LARP6: variants seen among roughly 807,000 people sequenced by gnomAD.
LARP6 encodes the protein La ribonucleoprotein 6, translational regulator, also known as la-related protein 6.
Under a neutral mutation model 32.8 loss-of-function variants are expected in LARP6, and 18 were observed. The observed-to-expected ratio is 0.55, with a 90% CI of 0.38 to 0.81. The LOEUF (loss-of-function observed/expected upper bound fraction) is 0.81. LARP6 is among the 40% of genes least tolerant of loss of function. The pLI, the probability that LARP6 is intolerant of heterozygous loss-of-function variation, is 0.00. For missense variants in LARP6, 598 were observed against 663.1 expected (o/e 0.90, Z 1.08); for synonymous variants, 289 against 267.2 (o/e 1.08, Z -0.80).
Position 70,832,869 on chromosome 15 carries a change from A to T in LARP6, c.659T>A (p.Leu220His). ...TGAGATGACTCCAAAAGTCCCAAAAAGCTTGAGCAGGTGTTCCATCACCTT... is the reference window on the plus strand; with the variant it reads ...TGAGATGACTCCAAAAGTCCCAAAATGCTTGAGCAGGTGTTCCATCACCTT... ...QEKVMEHLLK[L>H]FGTFGVISSV... The change falls in exon 3 of 3, where the codon CTT becomes CAT. Residue 220 changes from leucine (L) to histidine (H), a missense_variant. Around this residue, in one of 3 missense-constraint regions of LARP6, gnomAD observed 368 missense variants for 397.9 expected, o/e 0.92. Transcript: ENST00000299213. The T allele has an allele frequency of 1.2e-6, 2 of 1,610,556 alleles. No individual in the cohort carries two copies. Among genetic ancestry groups the T allele is most frequent in the South Asian group, 2.2e-5 (2 of 90,358 alleles).
At position 70,831,931 on chromosome 15, in the gene LARP6, T is replaced by G; in HGVS notation, c.*121A>C. On this transcript the variant is annotated 3_prime_UTR_variant, in exon 3 of 3. Coordinates refer to ENST00000299213, the MANE Select transcript of LARP6 (RefSeq NM_018357.4). ...TATTACAGATAGATAAATTAAGAGG[T>G]CTACATGAATAAAAAATCTCTCAAA... 1.5e-6 allele frequency: 1 copy of G among 677,880 alleles called. No homozygotes were observed. Among genetic ancestry groups the G allele is most frequent in the Non-Finnish European group, 2.5e-6 (1 of 405,822 alleles). 42.0% of individuals were successfully genotyped at this position (677,880 alleles called of 1,614,324 possible).
chr15:70,839,270 C>G (rs1323010404), intron 1 of LARP6, among the ~76,000 whole-genome samples: 1 of 152,094 alleles, frequency 6.6e-6, no homozygotes. Context: ...GAAACCCCAT[C>G]TCTACTAAAA....
At chr15:70,848,428 T>A (rs2032386509) in intron 1 of LARP6, among the ~76,000 whole-genome samples, 1 of 152,040 alleles carries the variant, frequency 6.6e-6, no homozygotes, top group Non-Finnish European at 1.5e-5. Context: ...GACAAAAAAA[T>A]TGACATTAAT....
At chr15:70,846,621 AATACATAC>A (rs71152317) in intron 1 of LARP6, among the ~76,000 whole-genome samples, 56 of 148,882 alleles carry the variant, frequency 3.8e-4, no homozygotes, top group African/African-American at 1.1e-3. Flanking sequence ...AAAATAAATA[AATACATAC>A]ATACATACAT....
At chr15:70,835,508 G>C (rs1321632047) in intron 2 of LARP6, among the ~76,000 whole-genome samples, 2 of 152,222 alleles carry the variant, frequency 1.3e-5, no homozygotes, top group Admixed American at 1.3e-4. Flanking sequence ...GGGTGAGGCA[G>C]GGAAGAGGTC....
At chr15:70,844,035 C>T (rs1205146559) in intron 1 of LARP6, among the ~76,000 whole-genome samples, 1 of 151,658 alleles carries the variant, frequency 6.6e-6, no homozygotes, top group East Asian at 1.9e-4. Flanking sequence ...CGGCTCACTG[C>T]GACCTCTGCC....
chr15:70,835,279 A>G (rs561804628), intron 2 of LARP6, among the ~76,000 whole-genome samples: 242 of 152,356 alleles, frequency 1.6e-3, no homozygotes, highest in African/African-American at 5.7e-3. Context: ...ACTAGTTCCC[A>G]ATAATACTGT....
At position 70,854,090 on chromosome 15, in the gene LARP6, G is replaced by C; in HGVS notation, c.-2C>G. 11 of 1,299,394 alleles carry C rather than the reference G, an allele frequency of 8.5e-6. No individual in the cohort carries two copies. The highest frequency in any genetic ancestry group is 9.8e-6 in the Non-Finnish European group (10 of 1,019,296). The allele number at this position is 1,299,394 out of a possible 1,614,324, so 80.5% of individuals were successfully genotyped here. A position where few individuals can be genotyped will look rare whatever the true frequency, so the allele number is the denominator to read the frequency against. On this transcript the variant is annotated 5_prime_UTR_variant, in exon 1 of 3. Coordinates refer to ENST00000299213, the MANE Select transcript of LARP6 (RefSeq NM_018357.4). The stretch of plus-strand genomic sequence containing the variant: ...AGCCTCCCCGCCGGACTGGGCCATG[G>C]CTCGCGGGACTGCGGCGCCGCCGGG...
At chr15:70,833,305 T>C (rs2032090001) in intron 2 of LARP6, among the ~76,000 whole-genome samples, 189 bp from the exon 3 acceptor site, 1 of 152,138 alleles carries the variant, frequency 6.6e-6, no homozygotes, top group African/African-American at 2.4e-5. Context: ...TGAAAACAAG[T>C]TCTACCATTT....
At chr15:70,848,561 G>A (rs2141058174) in intron 1 of LARP6, among the ~76,000 whole-genome samples, 1 of 152,234 alleles carries the variant, frequency 6.6e-6, no homozygotes, top group East Asian at 1.9e-4. Context: ...GTGAAACCCT[G>A]TCTCTACTAA....
chr15:70,839,961 T>G (rs2032222399), intron 1 of LARP6, among the ~76,000 whole-genome samples: 1 of 152,244 alleles, frequency 6.6e-6, no homozygotes, highest in Non-Finnish European at 1.5e-5. Flanking sequence ...CTGACATGAT[T>G]GAGTTGTTGG....
chr15:70,849,830 A>G (rs1275610427), intron 1 of LARP6: 1 of 152,200 alleles, frequency 6.6e-6, no homozygotes, highest in Non-Finnish European at 1.5e-5. Context: ...ATATCAAATT[A>G]TCTCTTTGAA....
Position 70,831,776 on chromosome 15 carries a change from C to G in LARP6, c.*276G>C, listed in dbSNP as rs2032044128. ...AGAACAGACTTCCCCCAGGGAACCT[C>G]CGTCCTACAGCCCTTCAGGGCCATC... On this transcript the variant is annotated 3_prime_UTR_variant, in exon 3 of 3. Coordinates refer to ENST00000299213, the MANE Select transcript of LARP6 (RefSeq NM_018357.4). The G allele has an allele frequency of 3.5e-6, 1 of 285,074 alleles. No homozygotes were observed. Among genetic ancestry groups the G allele is most frequent in the African/African-American group, 2.2e-5 (1 of 46,226 alleles). The allele number at this position is 285,074 out of a possible 1,614,324, so 17.7% of individuals were successfully genotyped here.
chr15:70,838,924 A>G (rs919542733), intron 1 of LARP6, among the ~76,000 whole-genome samples: 15 of 151,740 alleles, frequency 9.9e-5, no homozygotes, highest in African/African-American at 3.1e-4. Context: ...AAAAAAAAAA[A>G]AAAGAAAAGA....
At chr15:70,837,408 TA>T (rs1172992835) in intron 1 of LARP6, among the ~76,000 whole-genome samples, 1 of 152,128 alleles carries the variant, frequency 6.6e-6, no homozygotes, top group African/African-American at 2.4e-5. Context: ...ATAATTATTA[TA>T]ATAACACCCT....
chr15:70,851,864 T>G, intron 1 of LARP6: 9 of 1,342,682 alleles, frequency 6.7e-6, no homozygotes, highest in South Asian at 2.8e-5. Context: ...GGCAGCGAAG[T>G]TTTAAAGGCT....
chr15:70,836,294 C>T lies in LARP6; in HGVS notation c.411+1G>A. 6.2e-7 allele frequency: 1 copy of T among 1,613,898 alleles called. No individual in the cohort carries two copies. Among genetic ancestry groups the T allele is most frequent in the Non-Finnish European group, 8.5e-7 (1 of 1,179,760 alleles). ...AGCAGCTTCTGAGAACCAAGCCTCA[C>T]CTTTTTGAAGGATGTGAGTAGCTTA... On this transcript the variant is annotated splice_donor_variant, in intron 2 of 2. Transcript: ENST00000299213. LOFTEE classifies it high-confidence loss of function.
chr15:70,838,237 G>A (rs576934659), intron 1 of LARP6, among the ~76,000 whole-genome samples: 1 of 152,092 alleles, frequency 6.6e-6, no homozygotes, highest in Non-Finnish European at 1.5e-5. Flanking sequence ...TTTAGGCAAG[G>A]AACTCCACTG....
chr15:70,836,661 C>CTGGA (rs1224358342), intron 1 of LARP6, among the ~76,000 whole-genome samples, 156 bp from the exon 2 acceptor site: 1 of 152,170 alleles, frequency 6.6e-6, no homozygotes, highest in Non-Finnish European at 1.5e-5. Flanking sequence ...TGAGGTCTTA[C>CTGGA]TGGAGTAGGG....
Sources: allele counts gnomAD v4.1 joint callset (sites outside exome capture counted in the v4.1 genomes callset), GRCh38; gene constraint gnomAD v4.1.1; regional missense constraint gnomAD v4.1.1; transcripts MANE v1.5; gene names NCBI Gene and HGNC (gene_info 2026-07-23, HGNC 2026-07-21).